Variants in ATF7 observed in about 807,000 individuals in gnomAD.
The protein encoded by ATF7 is activating transcription factor 7.
Under a neutral mutation model 50.4 loss-of-function variants are expected in ATF7, and 10 were observed. The observed-to-expected ratio is 0.20, with a 90% confidence interval of 0.12 to 0.34. The LOEUF is 0.34. Ranked by LOEUF, ATF7 falls within the 10% of genes least tolerant of loss-of-function variation. The pLI, the probability that ATF7 is intolerant of heterozygous loss-of-function variation, is 1.00. For missense variants in ATF7, 465 were observed against 613.9 expected, an observed-to-expected ratio of 0.76 and a Z score of 2.56; for synonymous variants, 201 against 226.4, an observed-to-expected ratio of 0.89 and a Z score of 1.01.
chr12:53,519,085 G>A (rs1025331581), intron 11 of ATF7, among the ~76,000 whole-genome samples: 2 of 151,326 alleles, frequency 1.3e-5, no homozygotes, highest in African/African-American at 4.8e-5. Context: ...CAAATATTGC[G>A]TCCTCTGTGA....
At chr12:53,602,704 C>T (rs1261840576) in intron 1 of ATF7, among the ~76,000 whole-genome samples, 2 of 152,146 alleles carry the variant, frequency 1.3e-5, no homozygotes, top group East Asian at 1.9e-4. Context: ...CTAGGAGAGG[C>T]CAGCTCAAGC....
chr12:53,601,930 T>A (rs1691850535), intron 1 of ATF7, among the ~76,000 whole-genome samples: 1 of 152,204 alleles, frequency 6.6e-6, no homozygotes, highest in Admixed American at 6.5e-5. Flanking sequence ...GAAGCTAAAC[T>A]CTCAAAGTGT....
At position 53,513,937 on chromosome 12, in the gene ATF7, T is replaced by C. The variant is rs1944210798; in HGVS notation, c.*3200A>G. The C allele has an allele frequency of 6.6e-6, 1 of 152,174 alleles. No homozygotes were observed. The highest frequency in any genetic ancestry group is 1.5e-5 in the Non-Finnish European group (1 of 68,072). The allele number at this position is 152,174 out of a possible 1,614,324, so 9.4% of individuals were successfully genotyped here. ...GAGAAGTGAGCGAGAGGAGGTTCAG[T>C]TTGCTCAGTCCCTCTTTAACCACTA... On this transcript the variant is annotated 3_prime_UTR_variant, in exon 12 of 12. Coordinates refer to ENST00000420353, the MANE Select transcript of ATF7 (RefSeq NM_006856.3).
chr12:53,577,711 G>A (rs1253340599), intron 2 of ATF7, among the ~76,000 whole-genome samples: 1 of 136,034 alleles, frequency 7.4e-6, no homozygotes, highest in Non-Finnish European at 1.5e-5. Context: ...GCGAGACTCC[G>A]TCTCTGAAAA....
intron 4 of ATF7, among the ~76,000 whole-genome samples, chr12:53,540,771 ACAGGGTGTTGTTCCACTGCC>A (rs1339951488): frequency 6.6e-6 from 1 of 152,084 alleles, no homozygotes; most frequent in East Asian, 1.9e-4. Context: ...ATAAATAAAG[ACAGGGTGTTGTTCCACTGCC>A]CAGGCTGGAG....
At chr12:53,525,366 A>T (rs1229693558) in intron 9 of ATF7, among the ~76,000 whole-genome samples, 3 of 152,216 alleles carry the variant, frequency 2.0e-5, no homozygotes, top group Admixed American at 6.5e-5. Context: ...AAAACAAAAC[A>T]AAACAAAAAG....
chr12:53,555,027 G>A (rs1382511264), intron 2 of ATF7, among the ~76,000 whole-genome samples: 1 of 151,890 alleles, frequency 6.6e-6, no homozygotes, highest in Non-Finnish European at 1.5e-5. Flanking sequence ...AGATGTTTCC[G>A]TAAGAAAAAA....
chr12:53,607,369 A>C (rs1265582799), intron 1 of ATF7, among the ~76,000 whole-genome samples: 1 of 152,202 alleles, frequency 6.6e-6, no homozygotes, highest in Non-Finnish European at 1.5e-5. Flanking sequence ...TCTGGAAGTC[A>C]ATTTGGCAAT....
At chr12:53,589,293 T>C (rs1273738078) in intron 2 of ATF7, among the ~76,000 whole-genome samples, 1 of 152,206 alleles carries the variant, frequency 6.6e-6, no homozygotes, top group African/African-American at 2.4e-5. Flanking sequence ...CAGAGGTTGC[T>C]AGGATTAAAT....
chr12:53,517,660 A>G, intron 11 of ATF7: 2 of 371,746 alleles, frequency 5.4e-6, no homozygotes, highest in South Asian at 6.1e-5. Flanking sequence ...AACTCTTATT[A>G]TTATTCATTA....
At chr12:53,551,061 T>C (rs1218057295) in intron 3 of ATF7, among the ~76,000 whole-genome samples, 1 of 152,264 alleles carries the variant, frequency 6.6e-6, no homozygotes, top group Non-Finnish European at 1.5e-5. Flanking sequence ...CTTATACTTG[T>C]CTGCAAATAC....
At chr12:53,550,438 G>A (rs1940286119) in intron 3 of ATF7, among the ~76,000 whole-genome samples, 1 of 151,656 alleles carries the variant, frequency 6.6e-6, no homozygotes, top group Non-Finnish European at 1.5e-5. Flanking sequence ...TAGAATTTAA[G>A]GAAGACTGGC....
At chr12:53,574,776 C>T (rs1228675483) in intron 2 of ATF7, 1 of 214,842 alleles carries the variant, frequency 4.7e-6, no homozygotes, top group Non-Finnish European at 9.1e-6. Context: ...AGCTTATAAC[C>T]AGTAAGCTTC....
intron 9 of ATF7, among the ~76,000 whole-genome samples, chr12:53,528,399 G>A (rs11170580): frequency 0.37 from 56,795 of 151,966 alleles, 13,311 homozygotes; most frequent in Non-Finnish European, 0.52. Flanking sequence ...AGGCCAAGGC[G>A]GGTGGATTGC....
At chr12:53,616,914 C>T (rs2137917275) in intron 1 of ATF7, among the ~76,000 whole-genome samples, 1 of 144,512 alleles carries the variant, frequency 6.9e-6, no homozygotes, top group East Asian at 2.0e-4. Context: ...CACTGTACTC[C>T]AGCCTAGGCA....
At position 53,555,485 on chromosome 12, in the gene ATF7, ATATAATT is replaced by A. The variant is rs1295766064; in HGVS notation, c.49-2855_49-2849del. Among the ~76,000 whole-genome samples the A allele has an allele frequency of 7.2e-4, 106 of 147,448 alleles. 1 individual carries two copies. In the East Asian group the frequency reaches 0.017, roughly 23 times the overall value. On this transcript the variant is annotated intron_variant, in intron 2 of 11. Coordinates refer to ENST00000420353, the MANE Select transcript of ATF7 (RefSeq NM_006856.3). ...AACCTAGTTTATAAAGAAGAAAATA[ATATAATT>A]TTTTTTTTTTTTTTTTTTTTTTTTT...
At chr12:53,619,179 AG>A (rs1312274713) in intron 1 of ATF7, among the ~76,000 whole-genome samples, 10 of 152,146 alleles carry the variant, frequency 6.6e-5, no homozygotes, top group African/African-American at 2.2e-4. Flanking sequence ...TGAAATGTCC[AG>A]GGAATAAAGT....
At chr12:53,528,826 G>T (rs1018795129) in intron 9 of ATF7, among the ~76,000 whole-genome samples, 50 of 152,080 alleles carry the variant, frequency 3.3e-4, no homozygotes, top group African/African-American at 8.9e-4. Flanking sequence ...GGAGAATAGG[G>T]GAAAGGAAAG....
chr12:53,587,843 A>ATATATATATTTTT, intron 2 of ATF7, among the ~76,000 whole-genome samples: 19 of 61,562 alleles, frequency 3.1e-4, no homozygotes, highest in Admixed American at 4.6e-4. Flanking sequence ...ATATATATAT[A>ATATATATATTTTT]TTTTTTTTTT....
Sources: gnomAD v4.1 joint callset for allele counts (sites outside exome capture counted in the v4.1 genomes callset) on GRCh38, gnomAD v4.1.1 for gene constraint, MANE v1.5 for transcripts, NCBI Gene and HGNC (gene_info 2026-07-23, HGNC 2026-07-21) for gene names.